Variants in GLYATL2 observed in about 807,000 individuals in gnomAD.
The protein encoded by GLYATL2 is glycine-N-acyltransferase like 2, also known as glycine N-acyltransferase-like protein 2.
In GLYATL2, 25 loss-of-function variants were observed where a neutral mutation model predicts 21.4. The observed-to-expected ratio is 1.17, with a 90% CI of 0.85 to 1.63. The LOEUF (loss-of-function observed/expected upper bound fraction) is 1.63. Among genes scored for constraint, GLYATL2 ranks in the 40% most tolerant of loss-of-function variants. The pLI, the probability that GLYATL2 is intolerant of heterozygous loss-of-function variation, is 0.00. For missense variants in GLYATL2, 361 were observed against 343.3 expected (o/e 1.05, Z -0.41); for synonymous variants, 114 against 118.2 (o/e 0.96, Z 0.23).
At chr11:58,863,121 G>A (rs1393725422) in intron 1 of GLYATL2, among the ~76,000 whole-genome samples, 1 of 27,840 alleles carries the variant, frequency 3.6e-5, no homozygotes, top group Admixed American at 4.7e-4. Flanking sequence ...GATCCACTGG[G>A]TGGATATTAT....
At position 58,839,530 on chromosome 11, in the gene GLYATL2, G is replaced by C. The variant is rs774676200; in HGVS notation, c.78+5C>G. On this transcript the variant is annotated splice_donor_5th_base_variant and intron_variant, in intron 2 of 5. Transcript: ENST00000287275. Reference sequence around the variant, plus strand: ...CTCTCCTTTGATCTCCTCCTACTCCGTTACCTTTATGGATTCAGGGATGCT... The same window carrying C: ...CTCTCCTTTGATCTCCTCCTACTCCCTTACCTTTATGGATTCAGGGATGCT... The C allele has an allele frequency of 6.3e-7, 1 of 1,591,512 alleles. No homozygotes were observed. The highest frequency in any genetic ancestry group is 8.6e-7 in the Non-Finnish European group (1 of 1,162,096).
intron 1 of GLYATL2, among the ~76,000 whole-genome samples, chr11:58,893,635 A>G (rs111230447): frequency 0.012 from 1,777 of 152,294 alleles, 13 homozygotes; most frequent in Non-Finnish European, 0.016. Flanking sequence ...GGAACTTACA[A>G]TCCAGGCTGG....
At chr11:58,867,133 G>A (rs1239690155) in intron 1 of GLYATL2, among the ~76,000 whole-genome samples, 2 of 148,734 alleles carry the variant, frequency 1.3e-5, no homozygotes, top group Non-Finnish European at 3.0e-5. Context: ...GGCCTCATAG[G>A]GATTCAAAGA....
In GLYATL2 at chr11:58,872,302, G is replaced by A. The variant is rs562230975; in HGVS notation, n.60+31854C>T. ...TCTTTAGTTTAATTAGATCCCATTT[G>A]TCAATTTTGGCTTTCGTTGCCATTG... is the stretch of plus-strand genomic sequence containing the variant. On this transcript the variant is annotated intron_variant and non_coding_transcript_variant, in intron 1 of 4. Transcript: ENST00000533636. Among the ~76,000 whole-genome samples the A allele has an allele frequency of 1.6e-4, 24 of 152,284 alleles. No individual in the cohort carries two copies. The East Asian group carries it at 4.4e-3, about 28-fold the overall frequency.
intron 1 of GLYATL2, among the ~76,000 whole-genome samples, chr11:58,888,949 G>T (rs1354637122): frequency 1.3e-5 from 2 of 151,922 alleles, no homozygotes; most frequent in African/African-American, 2.4e-5. Context: ...TGTTGTTGGA[G>T]GAGCTTTTTT....
chr11:58,865,278 A>G lies in GLYATL2; in HGVS notation n.61-26910T>C, dbSNP rs910458689. 6.0e-5 allele frequency among the ~76,000 whole-genome samples: 9 copies of G among 149,134 alleles called. 1 individual carries two copies. The highest frequency in any genetic ancestry group is 1.2e-4 in the Non-Finnish European group (8 of 67,246). On this transcript the variant is annotated intron_variant and non_coding_transcript_variant, in intron 1 of 4. Transcript: ENST00000533636. ...AGATTTTCTGATGATAAGTATAATA[A>G]GAGAAATAATATGTTGGGCTAGAAA...
At chr11:58,895,467 T>A (rs1040785139) in intron 1 of GLYATL2, among the ~76,000 whole-genome samples, 14 of 152,138 alleles carry the variant, frequency 9.2e-5, no homozygotes, top group African/African-American at 2.9e-4. Context: ...GGAAGGGACA[T>A]GACAAAGATC....
chr11:58,857,107 G>T (rs1853841601), intron 1 of GLYATL2, among the ~76,000 whole-genome samples: 1 of 152,070 alleles, frequency 6.6e-6, no homozygotes, highest in South Asian at 2.1e-4. Context: ...GTACTGTTTT[G>T]CATAAGGCTA....
chr11:58,840,327 T>C (rs1853523380), intron 1 of GLYATL2, among the ~76,000 whole-genome samples: 1 of 152,092 alleles, frequency 6.6e-6, no homozygotes, highest in African/African-American at 2.4e-5. Context: ...ATAATAGATA[T>C]GTTTAAGGAT....
the GLYATL2 span, among the ~76,000 whole-genome samples, chr11:58,909,691 T>C: frequency 5.9e-5 from 9 of 152,310 alleles, no homozygotes; most frequent in South Asian, 8.3e-4. Context: ...AATTCAATAA[T>C]GTAGTAGGCA....
chr11:58,908,545 A>G, upstream of GLYATL2: 1 of 208,478 alleles, frequency 4.8e-6, no homozygotes. Flanking sequence ...TGAAGTTTCA[A>G]AGGCATATCT....
chr11:58,864,141 C>G (rs1260952776), intron 1 of GLYATL2, among the ~76,000 whole-genome samples: 2 of 152,148 alleles, frequency 1.3e-5, no homozygotes, highest in Admixed American at 1.3e-4. Context: ...TGGCGCTAGG[C>G]AGTCCTAGAA....
At chr11:58,904,473 G>A (rs996824821), upstream of GLYATL2, among the ~76,000 whole-genome samples, 1 of 152,050 alleles carries the variant, frequency 6.6e-6, no homozygotes, top group Admixed American at 6.6e-5. Flanking sequence ...AGAAACTTTC[G>A]ACAATACTAT....
intron 1 of GLYATL2, among the ~76,000 whole-genome samples, chr11:58,875,337 G>C (rs1854208431): frequency 6.6e-6 from 1 of 152,220 alleles, no homozygotes; most frequent in South Asian, 2.1e-4. Flanking sequence ...TCATTATGAC[G>C]TTAGCTGGTT....
intron 1 of GLYATL2, chr11:58,885,349 C>T (rs1854417108): frequency 3.3e-6 from 1 of 304,390 alleles, no homozygotes; most frequent in South Asian, 3.4e-5. Context: ...TGTCTTTTGA[C>T]CTCCGTTTTT....
chr11:58,908,779 A>G (rs1438864337), upstream of GLYATL2, among the ~76,000 whole-genome samples: 1 of 152,228 alleles, frequency 6.6e-6, no homozygotes. Context: ...AACAAACAAT[A>G]TGGACACTTA....
upstream of GLYATL2, among the ~76,000 whole-genome samples, chr11:58,847,702 T>C (rs539018345): frequency 1.8e-4 from 27 of 152,340 alleles, no homozygotes; most frequent in South Asian, 5.6e-3. Flanking sequence ...TCTAATGTTT[T>C]TGACTCTAGT....
upstream of GLYATL2, chr11:58,907,241 G>T (rs767239960): frequency 4.4e-6 from 2 of 456,214 alleles, no homozygotes; most frequent in South Asian, 3.1e-5. Context: ...GCCTCTGCAG[G>T]TCACCCGCCA....
At chr11:58,838,403 A>T (rs1378542943) in intron 2 of GLYATL2, 35 bp from the exon 3 acceptor site, 4 of 1,320,636 alleles carry the variant, frequency 3.0e-6, no homozygotes, top group Non-Finnish European at 4.4e-6. Flanking sequence ...GAGAGGATGA[A>T]GTTCTTCTCC....
Sources: gnomAD v4.1 joint callset for allele counts (sites outside exome capture counted in the v4.1 genomes callset) on GRCh38, gnomAD v4.1.1 for gene constraint, MANE v1.5 for transcripts, NCBI Gene and HGNC (gene_info 2026-07-23, HGNC 2026-07-21) for gene names.